Variants in WBP2NL observed in about 807,000 individuals in gnomAD.
WBP2NL encodes postacrosomal sheath WW domain-binding protein.
In WBP2NL, 27 loss-of-function variants were observed where a neutral mutation model predicts 23.3. That is an observed-to-expected ratio of 1.16 (90% CI 0.85 to 1.60). The LOEUF (loss-of-function observed/expected upper bound fraction) is 1.60. Among genes scored for constraint, WBP2NL ranks in the 40% most tolerant of loss-of-function variants. The pLI is 0.00. For synonymous variants in WBP2NL, 151 were observed against 145.9 expected, an observed-to-expected ratio of 1.03 and a Z score of -0.25; for missense variants, 370 against 389.5, an observed-to-expected ratio of 0.95 and a Z score of 0.42.
intron 2 of WBP2NL, 32 bp downstream of exon 2, chr22:42,019,451 T>G: frequency 1.9e-6 from 3 of 1,595,024 alleles, no homozygotes; most frequent in Non-Finnish European, 2.6e-6. Context: ...ATCTGCTGAT[T>G]AACTCTACAT....
intron 8 of WBP2NL, among the ~76,000 whole-genome samples, chr22:42,046,895 T>C (rs979538085): frequency 6.6e-6 from 1 of 152,202 alleles, no homozygotes; most frequent in Non-Finnish European, 1.5e-5. Flanking sequence ...ACAGAAACTA[T>C]TGACCCCTCT....
intron 8 of WBP2NL, among the ~76,000 whole-genome samples, chr22:42,047,285 AAAAAAG>A (rs1346161713): frequency 7.9e-5 from 12 of 151,576 alleles, no homozygotes; most frequent in South Asian, 2.1e-4. Context: ...AAAAAAAAAA[AAAAAAG>A]AAAATCGGAG....
Position 42,011,740 on chromosome 22 carries a change from G to GT in WBP2NL, c.63-7561dup, listed in dbSNP as rs796452128. The stretch of plus-strand genomic sequence containing the variant: ...TAATCCTTGTAACTCCTTGGCATCA[G>GT]TTTTTTTTTTGGTTGTTGTTGTTGT... On this transcript the variant is annotated intron_variant, in intron 1 of 5. Coordinates refer to ENST00000328823, the MANE Select transcript of WBP2NL (RefSeq NM_152613.3). Among the ~76,000 whole-genome samples, 639 of 147,392 alleles carry GT rather than the reference G, an allele frequency of 4.3e-3. 3 individuals are homozygous for GT. The highest frequency in any genetic ancestry group is 0.013 in the African/African-American group (524 of 40,214).
intron 1 of WBP2NL, among the ~76,000 whole-genome samples, chr22:42,006,001 A>G (rs133315): frequency 0.82 from 124,181 of 152,124 alleles, 51,289 homozygotes; most frequent in African/African-American, 0.94. Flanking sequence ...ACTTTCTGGA[A>G]GGTCAAAGAA....
intron 8 of WBP2NL, among the ~76,000 whole-genome samples, chr22:42,041,056 A>G (rs1386362050): frequency 1.3e-5 from 2 of 152,156 alleles, no homozygotes; most frequent in African/African-American, 4.8e-5. Context: ...ATCTGTCCAT[A>G]TTTGATTTAT....
At position 42,026,791 on chromosome 22, in the gene WBP2NL, AGGATATGGAGCCCCACCTCCC is replaced by A. The variant is rs754774160; in HGVS notation, c.546_566del (p.Pro187_Pro193del). 6.2e-7 allele frequency: 1 copy of A among 1,613,144 alleles called. No individual in the cohort carries two copies. The highest frequency in any genetic ancestry group is 1.1e-5 in the South Asian group (1 of 90,972). On this transcript the variant is annotated inframe_deletion, in exon 6 of 6. Transcript: ENST00000328823. ...TTATTGTCTATGGAGCCCCACCTGC[AGGATATGGAGCCCCACCTCCC>A]GGATACGGAGCCCCACCTGCAGGAT...
chr22:42,001,282 G>A (rs1001139159), intron 1 of WBP2NL: 5 of 688,904 alleles, frequency 7.3e-6, no homozygotes, highest in Non-Finnish European at 1.3e-5. Context: ...TAAATGAATA[G>A]GAAGTCAACC....
chr22:42,040,563 A>G (rs998370999), intron 8 of WBP2NL, among the ~76,000 whole-genome samples: 31 of 152,162 alleles, frequency 2.0e-4, no homozygotes, highest in African/African-American at 6.8e-4. Flanking sequence ...GTTTAATGCT[A>G]TACATTTCCC....
chr22:42,045,783 A>C (rs1925564790), intron 8 of WBP2NL, among the ~76,000 whole-genome samples: 1 of 152,266 alleles, frequency 6.6e-6, no homozygotes, highest in African/African-American at 2.4e-5. Context: ...ATGTTCCAGA[A>C]AATAGGAGGA....
downstream of WBP2NL, chr22:42,030,078 T>C (rs899267220): frequency 4.6e-5 from 7 of 152,198 alleles, no homozygotes; most frequent in African/African-American, 1.7e-4. Flanking sequence ...TAAATATAAT[T>C]GAAAAAGACA....
chr22:42,002,844 ACTACT>A (rs1296909807), intron 1 of WBP2NL: 1 of 119,402 alleles, frequency 8.4e-6, no homozygotes. Flanking sequence ...CTGGATAGAA[ACTACT>A]TTAAAGAACC....
chr22:41,998,965 A>G, intron 1 of WBP2NL, 85 bp downstream of exon 1: 2 of 1,468,944 alleles, frequency 1.4e-6, no homozygotes, highest in Non-Finnish European at 1.8e-6. Flanking sequence ...TCAGCGAGTC[A>G]GGGACTTTGC....
chr22:42,040,228 CT>C (rs879885889), intron 8 of WBP2NL, among the ~76,000 whole-genome samples: 295 of 139,776 alleles, frequency 2.1e-3, no homozygotes, highest in Non-Finnish European at 2.0e-3. Context: ...CTCTCTCTCT[CT>C]TTTTTTTTTT....
chr22:42,053,920 C>CTT (rs1925933555), intron 8 of WBP2NL, among the ~76,000 whole-genome samples: 1 of 152,012 alleles, frequency 6.6e-6, no homozygotes, highest in South Asian at 2.1e-4. Context: ...TTTACAAATG[C>CTT]TGCATCCCAT....
intron 8 of WBP2NL, among the ~76,000 whole-genome samples, chr22:42,044,592 C>T (rs1925513579): frequency 6.6e-6 from 1 of 152,168 alleles, no homozygotes; most frequent in African/African-American, 2.4e-5. Context: ...TGCTTAAGCC[C>T]AGGAGTTCGA....
downstream of WBP2NL, among the ~76,000 whole-genome samples, chr22:42,029,518 G>A (rs541173687): frequency 3.3e-5 from 5 of 152,036 alleles, no homozygotes; most frequent in African/African-American, 1.2e-4. Context: ...ATTACAGGCA[G>A]GTAAAACCAT....
chr22:42,027,328 A>G lies in WBP2NL; in HGVS notation c.*147A>G. On this transcript the variant is annotated 3_prime_UTR_variant, in exon 6 of 6. Coordinates refer to ENST00000328823, the MANE Select transcript of WBP2NL (RefSeq NM_152613.3). ...TTTGGAAGGGCAATCTTATGGGGGAAGGTGAAACTTTACTTCTGTGCCTAG... is the reference window on the plus strand; with the variant it reads ...TTTGGAAGGGCAATCTTATGGGGGAGGGTGAAACTTTACTTCTGTGCCTAG... 1.9e-6 allele frequency: 2 copies of G among 1,025,754 alleles called. No individual in the cohort carries two copies. Among genetic ancestry groups the G allele is most frequent in the Non-Finnish European group, 2.7e-6 (2 of 739,658 alleles). The allele number at this position is 1,025,754 out of a possible 1,614,324, so 63.5% of individuals were successfully genotyped here.
At chr22:42,023,503 T>C (rs953464665) in intron 5 of WBP2NL, among the ~76,000 whole-genome samples, 4 of 150,080 alleles carry the variant, frequency 2.7e-5, no homozygotes, top group African/African-American at 9.8e-5. Context: ...CCTTTTTTGT[T>C]TTTGTTTTTG....
downstream of WBP2NL, chr22:42,032,790 C>T (rs754098488): frequency 6.4e-6 from 3 of 469,378 alleles, no homozygotes; most frequent in South Asian, 4.7e-5. Context: ...AGAAGGGGTT[C>T]TGTCAAAGGG....
Sources: gnomAD v4.1 joint callset for allele counts (sites outside exome capture counted in the v4.1 genomes callset) on GRCh38, gnomAD v4.1.1 for gene constraint, MANE v1.5 for transcripts, NCBI Gene and HGNC (gene_info 2026-07-23, HGNC 2026-07-21) for gene names.